Variants in HSD17B12 observed in about 807,000 individuals in gnomAD.
The protein encoded by HSD17B12 is hydroxysteroid 17-beta dehydrogenase 12, also known as very-long-chain 3-oxoacyl-CoA reductase.
Under a neutral mutation model 39.3 loss-of-function variants are expected in HSD17B12, and 32 were observed. The ratio of observed to expected loss-of-function variants is 0.81; its 90% confidence interval spans 0.61 to 1.09. HSD17B12 has a LOEUF of 1.09. Among genes scored for constraint, HSD17B12 ranks in the 50% least tolerant of loss-of-function variants. The probability of loss-of-function intolerance (pLI) is 0.00; values close to 1 mark genes in which losing one functional copy is unlikely to be tolerated. For synonymous variants in HSD17B12, 150 were observed against 146.7 expected (o/e 1.02, Z -0.16); for missense variants, 342 against 382.9 (o/e 0.89, Z 0.89).
chr11:43,585,410 A>T, the HSD17B12 span, among the ~76,000 whole-genome samples: 1 of 152,226 alleles, frequency 6.6e-6, no homozygotes, highest in African/African-American at 2.4e-5. Flanking sequence ...CTTGGAGGTC[A>T]TGTGAGCCAA....
chr11:43,673,035 G>A, the HSD17B12 span: 1 of 152,102 alleles, frequency 6.6e-6, no homozygotes, highest in Non-Finnish European at 1.5e-5. Flanking sequence ...TCAATATTTT[G>A]AACAATGTTT....
rs375795289 is a variant in HSD17B12 at position 43,704,109 on chromosome 11, G to T, written c.160+23122G>T. ...TATGGTCAGAGGAGATATGGGCAAG[G>T]CACCACTAGCTTAGCTGTAATTCCC... On this transcript the variant is annotated intron_variant, in intron 1 of 10. Transcript: ENST00000278353. 2.3e-3 allele frequency among the ~76,000 whole-genome samples: 343 copies of T among 152,276 alleles called. 11 individuals are homozygous for T. In the South Asian group the frequency reaches 0.062, roughly 27 times the overall value.
chr11:43,693,633 C>T (rs1350906432), intron 1 of HSD17B12, among the ~76,000 whole-genome samples: 1 of 152,112 alleles, frequency 6.6e-6, no homozygotes, highest in South Asian at 2.1e-4. Context: ...CAAGGAAATA[C>T]TGCATTTAGT....
chr11:43,850,852 G>A (rs748677445), intron 9 of HSD17B12, among the ~76,000 whole-genome samples: 38 of 152,210 alleles, frequency 2.5e-4, no homozygotes, highest in Admixed American at 1.0e-3. Flanking sequence ...ACCTGAGGTC[G>A]GGAGTTCGAG....
chr11:43,770,571 A>G (rs1950639339), intron 3 of HSD17B12, among the ~76,000 whole-genome samples: 1 of 152,154 alleles, frequency 6.6e-6, no homozygotes, highest in South Asian at 2.1e-4. Context: ...CTCTACAAAT[A>G]TAAAAAGTAC....
At chr11:43,603,970 T>G in the HSD17B12 span, among the ~76,000 whole-genome samples, 2 of 152,154 alleles carry the variant, frequency 1.3e-5, no homozygotes, top group African/African-American at 4.8e-5. Flanking sequence ...CTGACAATTT[T>G]GTGGCCAATA....
At chr11:43,558,371 G>A in the HSD17B12 span, among the ~76,000 whole-genome samples, 12 of 152,178 alleles carry the variant, frequency 7.9e-5, no homozygotes, top group East Asian at 1.7e-3. Flanking sequence ...AAAATCCAGC[G>A]CCTGGTGTTG....
chr11:43,798,755 A>T (rs1950937756), intron 4 of HSD17B12, among the ~76,000 whole-genome samples: 1 of 152,164 alleles, frequency 6.6e-6, no homozygotes. Context: ...AAAATGCCTT[A>T]GTATTTGCGT....
At chr11:43,709,044 A>G (rs2134830055) in intron 1 of HSD17B12, among the ~76,000 whole-genome samples, 1 of 152,344 alleles carries the variant, frequency 6.6e-6, no homozygotes, top group South Asian at 2.1e-4. Flanking sequence ...AGAGGATGTA[A>G]CACAGCCAGG....
chr11:43,562,741 A>G, the HSD17B12 span, among the ~76,000 whole-genome samples: 1 of 152,182 alleles, frequency 6.6e-6, no homozygotes, highest in Non-Finnish European at 1.5e-5. Flanking sequence ...GGTAAAGTCT[A>G]TCTTCCCTAT....
the HSD17B12 span, among the ~76,000 whole-genome samples, chr11:43,582,669 C>T: frequency 6.6e-6 from 1 of 152,312 alleles, no homozygotes; most frequent in African/African-American, 2.4e-5. Context: ...ACAAACTAAA[C>T]GCCCACCGTC....
intron 3 of HSD17B12, chr11:43,755,379 AT>A (rs1950499373): frequency 6.6e-6 from 1 of 152,670 alleles, no homozygotes; most frequent in Non-Finnish European, 1.5e-5. Flanking sequence ...GTAATCATAA[AT>A]GATAGAATAT....
chr11:43,718,745 GC>G, intron 1 of HSD17B12: 1 of 1,288,678 alleles, frequency 7.8e-7, no homozygotes, highest in Non-Finnish European at 1.1e-6. Context: ...GGCTTTAAAG[GC>G]CAAGAAGGCA....
the HSD17B12 span, among the ~76,000 whole-genome samples, chr11:43,611,157 T>C: frequency 3.3e-5 from 5 of 152,234 alleles, no homozygotes; most frequent in South Asian, 2.1e-4. Context: ...AAATCTTTGA[T>C]ATATTTTATT....
chr11:43,780,995 T>TAGTC (rs1950760072), intron 3 of HSD17B12, among the ~76,000 whole-genome samples: 1 of 152,256 alleles, frequency 6.6e-6, no homozygotes, highest in African/African-American at 2.4e-5. Context: ...GCATGCAGAC[T>TAGTC]AGTCGCACCT....
intron 4 of HSD17B12, among the ~76,000 whole-genome samples, chr11:43,814,734 A>G (rs1951105061): frequency 6.6e-6 from 1 of 152,152 alleles, no homozygotes. Context: ...TGGCCACCAG[A>G]AAGAAGCCTT....
At chr11:43,676,048 G>T (rs1297647431), upstream of HSD17B12, among the ~76,000 whole-genome samples, 4 of 152,062 alleles carry the variant, frequency 2.6e-5, no homozygotes, top group Admixed American at 6.5e-5. Context: ...GGAGGCGGAG[G>T]TTGTAGTCAA....
the HSD17B12 span, among the ~76,000 whole-genome samples, chr11:43,663,145 T>C: frequency 3.3e-5 from 5 of 152,182 alleles, no homozygotes; most frequent in African/African-American, 7.2e-5. Context: ...TGCAGTGGCG[T>C]GATCTCAGCT....
chr11:43,685,053 A>G (rs1015819969), intron 1 of HSD17B12, among the ~76,000 whole-genome samples: 4 of 152,194 alleles, frequency 2.6e-5, no homozygotes, highest in African/African-American at 9.7e-5. Context: ...ATTGCTGAAT[A>G]ATATTCTGTT....
Sources: gnomAD v4.1 joint callset for allele counts (sites outside exome capture counted in the v4.1 genomes callset) on GRCh38, gnomAD v4.1.1 for gene constraint, MANE v1.5 for transcripts, NCBI Gene and HGNC (gene_info 2026-07-23, HGNC 2026-07-21) for gene names.